FAT3: variants seen among roughly 807,000 people sequenced by gnomAD.
FAT3 encodes the protein FAT atypical cadherin 3.
FAT3 carries 95 observed loss-of-function variants against 310.2 expected under a neutral mutation model. The observed-to-expected ratio is 0.31, with a 90% confidence interval of 0.26 to 0.36. The LOEUF (loss-of-function observed/expected upper bound fraction) is 0.36. Among genes scored for constraint, FAT3 ranks in the 10% least tolerant of loss-of-function variants. FAT3 has a pLI of 1.00. For missense variants in FAT3, 5,408 were observed against 5,715.6 expected, an observed-to-expected ratio of 0.95 and a Z score of 1.74; for synonymous variants, 2,314 against 2,192.9, an observed-to-expected ratio of 1.06 and a Z score of -1.54.
rs763345537 is a variant in FAT3, at chr11:92,354,055, A to G, written c.1943A>G (p.Asn648Ser). ...SLTNSGIKNGNFALRITATDG... is the reference protein window; with the variant it reads ...SLTNSGIKNGSFALRITATDG... ...ACAAATTCTGGCATTAAAAATGGCA[A>G]TTTTGCCCTCAGAATTACAGCAACT... Residue 648 changes from asparagine to serine, a missense_variant, in exon 2 of 28, where the codon AAT (asparagine) becomes AGT (serine). Asn to Ser is a conservative substitution (Grantham distance 46). Coordinates refer to ENST00000525166, the MANE Select transcript of FAT3 (RefSeq NM_001367949.2). 1.2e-6 allele frequency: 2 copies of G among 1,613,578 alleles called. No homozygotes were observed. Among genetic ancestry groups the G allele is most frequent in the Non-Finnish European group, 8.5e-7 (1 of 1,179,752 alleles).
chr11:92,505,210 A>T (rs1953062957), intron 2 of FAT3, among the ~76,000 whole-genome samples: 2 of 152,092 alleles, frequency 1.3e-5, no homozygotes, highest in Non-Finnish European at 2.9e-5. Flanking sequence ...CGTTGAACCA[A>T]TTCCTGATGC....
At chr11:92,245,006 A>T (rs1310688502) in intron 1 of FAT3, among the ~76,000 whole-genome samples, 1 of 152,124 alleles carries the variant, frequency 6.6e-6, no homozygotes, top group East Asian at 1.9e-4. Context: ...TACCCAAAGG[A>T]TTATAAATCA....
Position 92,802,639 on chromosome 11 carries a change from A to T in FAT3, c.8896+730A>T, listed in dbSNP as rs1591756155. Among the ~76,000 whole-genome samples, 3 of 152,272 alleles carry T rather than the reference A, an allele frequency of 2.0e-5. No individual in the cohort carries two copies. The South Asian group carries it at 6.2e-4, about 32-fold the overall frequency. On this transcript the variant is annotated intron_variant, in intron 10 of 27. Transcript: ENST00000525166. ...TTAACTGAAAGAGGAGAGGGTTGACAGTGTGGGAAGGTTCTTCCTAAAAAC... is the reference window on the plus strand; with the variant it reads ...TTAACTGAAAGAGGAGAGGGTTGACTGTGTGGGAAGGTTCTTCCTAAAAAC...
Position 92,843,794 on chromosome 11 carries a change from C to T in FAT3, c.10567-140C>T, listed in dbSNP as rs946262668. 7.5e-6 allele frequency: 6 copies of T among 799,144 alleles called. No individual in the cohort carries two copies. The African/African-American group carries it at 1.0e-4, about 14-fold the overall frequency. The allele number at this position is 799,144 out of a possible 1,614,324, so 49.5% of individuals were successfully genotyped here. ...CTCCTCTTACTTAAACGCACATCCT[C>T]AGCATTTTTCAGAATAGTGGCAAGG... is the stretch of plus-strand genomic sequence containing the variant. On this transcript the variant is annotated intron_variant, in intron 18 of 27. Coordinates refer to ENST00000525166, the MANE Select transcript of FAT3 (RefSeq NM_001367949.2).
chr11:92,356,942 C>G (rs1948749115), intron 2 of FAT3, among the ~76,000 whole-genome samples: 2 of 152,106 alleles, frequency 1.3e-5, no homozygotes, highest in Admixed American at 1.3e-4. Flanking sequence ...TACATAGGCT[C>G]TAATTATGGC....
chr11:92,634,189 G>C (rs1488544160), intron 3 of FAT3, among the ~76,000 whole-genome samples: 1 of 152,172 alleles, frequency 6.6e-6, no homozygotes, highest in Non-Finnish European at 1.5e-5. Context: ...CAACAGACAG[G>C]AACTAACATG....
chr11:92,737,250 C>T (rs986984461), intron 4 of FAT3, among the ~76,000 whole-genome samples: 7 of 152,212 alleles, frequency 4.6e-5, no homozygotes, highest in African/African-American at 9.6e-5. Flanking sequence ...CACTGTGTGA[C>T]GGAGGATATA....
At position 92,355,317 on chromosome 11, in the gene FAT3, G is replaced by C; in HGVS notation, c.3205G>C (p.Asp1069His). The C allele has an allele frequency of 6.2e-7, 1 of 1,613,800 alleles. No homozygotes were observed. Among genetic ancestry groups the C allele is most frequent in the Non-Finnish European group, 8.5e-7 (1 of 1,179,840 alleles). The change falls in exon 2 of 28, where the codon GAT becomes CAT. Residue 1069 changes from aspartate to histidine, a missense_variant. By Grantham distance (81) the Asp-to-His change is moderately conservative. Around this residue, in one of 5 missense-constraint regions of FAT3, gnomAD observed 4,588 missense variants for 4,809.8 expected, o/e 0.95. Coordinates refer to ENST00000525166, the MANE Select transcript of FAT3 (RefSeq NM_001367949.2). The stretch of plus-strand genomic sequence containing the variant: ...AAGCGTGCTGCAGGTGACTGCTCGA[G>C]ATGAAGACTCCGGAAGGGATGGAGA... The part of the protein sequence containing the change: ...GTSVLQVTAR[D>H]EDSGRDGEIQ...
At chr11:92,287,244 A>G (rs909193134) in intron 1 of FAT3, among the ~76,000 whole-genome samples, 1 of 152,184 alleles carries the variant, frequency 6.6e-6, no homozygotes, top group African/African-American at 2.4e-5. Context: ...GAAGGCCTCC[A>G]TCCTACGAGC....
intron 2 of FAT3, among the ~76,000 whole-genome samples, chr11:92,411,346 T>C (rs1282122474): frequency 1.3e-5 from 2 of 151,758 alleles, no homozygotes; most frequent in East Asian, 1.9e-4. Flanking sequence ...TAGGGAATTA[T>C]GTAAAATACT....
chr11:92,452,112 T>C (rs993270503), intron 2 of FAT3, among the ~76,000 whole-genome samples: 2 of 152,182 alleles, frequency 1.3e-5, no homozygotes, highest in African/African-American at 2.4e-5. Flanking sequence ...AGAAATTAAC[T>C]GTTTGCTTTC....
rs150330989 is a variant in FAT3, at chr11:92,257,823, T to C, written c.-18+32649T>C. On this transcript the variant is annotated intron_variant, in intron 1 of 27. Transcript: ENST00000525166. ...AATGAACAATATAACCTAATTATGATTGAGCATTTTACTTTTCCATGGACT... is the reference window on the plus strand; with the variant it reads ...AATGAACAATATAACCTAATTATGACTGAGCATTTTACTTTTCCATGGACT... Among the ~76,000 whole-genome samples the C allele has an allele frequency of 4.6e-4, 70 of 152,260 alleles. 1 individual carries two copies. In the East Asian group the frequency reaches 0.01, roughly 22 times the overall value.
At chr11:92,786,816 CTG>C (rs1350799440) in intron 7 of FAT3, among the ~76,000 whole-genome samples, 3 of 152,200 alleles carry the variant, frequency 2.0e-5, no homozygotes, top group Non-Finnish European at 2.9e-5. Context: ...TCCTTGCACA[CTG>C]TTTCTAAGAA....
rs533284972 is a variant in FAT3, at chr11:92,286,847, A to C, written c.-18+61673A>C. Among the ~76,000 whole-genome samples the C allele has an allele frequency of 3.3e-5, 5 of 152,290 alleles. No homozygotes were observed. The South Asian group carries it at 1.0e-3, about 32-fold the overall frequency. On this transcript the variant is annotated intron_variant, in intron 1 of 27. Transcript: ENST00000525166. ...TATTCAATGCATCAAACTGACTTCAAGTTGACTCATTACTCCCTCTTGAAC... is the reference window on the plus strand; with the variant it reads ...TATTCAATGCATCAAACTGACTTCACGTTGACTCATTACTCCCTCTTGAAC...
chr11:92,859,321 A>C lies in FAT3; in HGVS notation c.11657A>C (p.Lys3886Thr). The C allele has an allele frequency of 6.3e-7, 1 of 1,585,718 alleles. No homozygotes were observed. Among genetic ancestry groups the C allele is most frequent in the Non-Finnish European group, 8.6e-7 (1 of 1,161,610 alleles). The change falls in exon 21 of 28, where the codon AAG becomes ACG. Residue 3886 changes from lysine (K) to threonine (T), a missense_variant and splice_region_variant. Physicochemically the swap from Lys to Thr is moderately conservative, Grantham distance 78. This residue lies in a region of FAT3 where 4,588 missense variants were observed against 4,809.8 expected (regional missense o/e 0.95). Transcript: ENST00000525166. Reference protein sequence around the residue: ...YTRANPCIILKIVDGKLWFQL... With the variant: ...YTRANPCIILTIVDGKLWFQL... Reference sequence around the variant, plus strand: ...AGAGCAAATCCCTGCATAATTCTGAAGGTAATTAAAATGGGTTATCTTTTT... The same window carrying C: ...AGAGCAAATCCCTGCATAATTCTGACGGTAATTAAAATGGGTTATCTTTTT...
At chr11:92,406,827 A>G (rs1204921804) in intron 2 of FAT3, 3 of 152,206 alleles carry the variant, frequency 2.0e-5, no homozygotes, top group African/African-American at 7.2e-5. Context: ...AAATCTCCCA[A>G]GGTGGATCAG....
At chr11:92,668,271 A>T (rs1374140107) in intron 3 of FAT3, among the ~76,000 whole-genome samples, 5 of 152,238 alleles carry the variant, frequency 3.3e-5, no homozygotes, top group Non-Finnish European at 5.9e-5. Context: ...ATTCTGTTAC[A>T]GCAGTAAGGT....
chr11:92,376,730 A>G (rs1949357898), intron 2 of FAT3, among the ~76,000 whole-genome samples: 1 of 152,088 alleles, frequency 6.6e-6, no homozygotes, highest in Admixed American at 6.5e-5. Flanking sequence ...TTGTGGTTTT[A>G]TCTGCTTTGG....
intron 1 of FAT3, among the ~76,000 whole-genome samples, chr11:92,253,212 T>C (rs190762867): frequency 5.4e-4 from 82 of 152,158 alleles, no homozygotes; most frequent in African/African-American, 1.9e-3. Context: ...CCCTCACAAG[T>C]CTGGCCAAGT....
Sources: gnomAD v4.1 joint callset for allele counts (sites outside exome capture counted in the v4.1 genomes callset) on GRCh38, gnomAD v4.1.1 for gene constraint, gnomAD v4.1.1 regional missense constraint, MANE v1.5 for transcripts, NCBI Gene and HGNC (gene_info 2026-07-23, HGNC 2026-07-21) for gene names.